The following PPP4R3C variants were observed in gnomAD, a reference collection of about 807,000 sequenced individuals.
The protein encoded by PPP4R3C is protein PPP4R3C.
For missense variants in PPP4R3C, 372 were observed against 237.3 expected (o/e 1.57, Z -3.73); for synonymous variants, 150 against 86.5 (o/e 1.73, Z -4.07).
In PPP4R3C at chrX:27,460,829, G is replaced by C; in HGVS notation, c.2468C>G (p.Ser823Cys). The change falls in exon 1 of 1, where the codon TCC (serine) becomes TGC (cysteine). Residue 823 changes from serine to cysteine, a missense_variant. Ser to Cys is a moderately radical substitution (Grantham distance 112). Transcript: ENST00000412172. ...EKEEDKEDETSPKKKPHLSS is the reference protein window; with the variant it reads ...EKEEDKEDETCPKKKPHLSS ...GCTAAGATGAGGTTTCTTCTTGGGG[G>C]ATGTTTCATCTTCTTTATCTTCCTC... is the stretch of plus-strand genomic sequence containing the variant. 2.0e-6 allele frequency: 1 copy of C among 510,589 alleles called. No homozygotes were observed. Among genetic ancestry groups the C allele is most frequent in the Non-Finnish European group, 3.5e-6 (1 of 285,568 alleles). 42.1% of individuals were successfully genotyped at this position (510,589 alleles called of 1,213,427 possible).
rs1194664087 is a variant in PPP4R3C, at chrX:27,462,222, A to T, written c.1075T>A (p.Leu359Met). 3.9e-6 allele frequency: 2 copies of T among 513,160 alleles called. No individual in the cohort carries two copies. The highest frequency in any genetic ancestry group is 7.0e-6 in the Non-Finnish European group (2 of 286,745). The allele number at this position is 513,160 out of a possible 1,213,427, so 42.3% of individuals were successfully genotyped here. A position where few individuals can be genotyped will look rare whatever the true frequency, so the allele number is the denominator to read the frequency against. ...PQSKDALFET[L>M]IQLGVLPALK... ...GCAGGAAGAACTCCCAACTGTATCAACGTTTCAAATAGTGCATCCTTGCTT... is the reference window on the plus strand; with the variant it reads ...GCAGGAAGAACTCCCAACTGTATCATCGTTTCAAATAGTGCATCCTTGCTT... The change falls in exon 1 of 1, where the codon TTG becomes ATG. Residue 359 changes from leucine (L) to methionine (M), a missense_variant. Leu to Met is a conservative substitution (Grantham distance 15). Coordinates refer to ENST00000412172, the MANE Select transcript of PPP4R3C (RefSeq NM_207319.4).
chrX:27,460,619 G>GTT lies in PPP4R3C; in HGVS notation c.*177_*178dup. 2 of 310,334 alleles carry GTT rather than the reference G, an allele frequency of 6.4e-6. No individual in the cohort carries two copies. Among genetic ancestry groups the GTT allele is most frequent in the East Asian group, 4.9e-5 (1 of 20,556 alleles). The allele number at this position is 310,334 out of a possible 1,213,427, so 25.6% of individuals were successfully genotyped here. On this transcript the variant is annotated 3_prime_UTR_variant, in exon 1 of 1. Coordinates refer to ENST00000412172, the MANE Select transcript of PPP4R3C (RefSeq NM_207319.4). The stretch of plus-strand genomic sequence containing the variant: ...GTTTATCACCCAGGTTCTGGTTACT[G>GTT]TTTTTTTTTAAGATTATGAGAAATT...
rs1602563885 is a variant in PPP4R3C at position 27,460,829 on chromosome X, G to A, written c.2468C>T (p.Ser823Phe). ...GCTAAGATGAGGTTTCTTCTTGGGG[G>A]ATGTTTCATCTTCTTTATCTTCCTC... is the stretch of plus-strand genomic sequence containing the variant. ...EKEEDKEDET[S>F]PKKKPHLSS is the part of the protein sequence containing the mutation. The change falls in exon 1 of 1, where the codon TCC becomes TTC. Residue 823 changes from serine to phenylalanine, a missense_variant. Ser to Phe is a radical substitution (Grantham distance 155). Coordinates refer to ENST00000412172, the MANE Select transcript of PPP4R3C (RefSeq NM_207319.4). 3.9e-6 allele frequency: 2 copies of A among 510,589 alleles called. No homozygotes were observed. The highest frequency in any genetic ancestry group is 7.0e-6 in the Non-Finnish European group (2 of 285,568). The allele number at this position is 510,589 out of a possible 1,213,427, so 42.1% of individuals were successfully genotyped here.
At position 27,461,519 on chromosome X, in the gene PPP4R3C, C is replaced by G. The variant is rs1373898654; in HGVS notation, c.1778G>C (p.Gly593Ala). The change falls in exon 1 of 1, where the codon GGA (glycine) becomes GCA (alanine). Residue 593 changes from glycine (G) to alanine (A), a missense_variant. Physicochemically the swap from Gly to Ala is moderately conservative, Grantham distance 60. Coordinates refer to ENST00000412172, the MANE Select transcript of PPP4R3C (RefSeq NM_207319.4). The stretch of plus-strand genomic sequence containing the variant: ...TGAATTCAACATATTGTACCGAGTT[C>G]CATTATCTAGAAGAGCATTTACAAC... ...EPVVNALLDN[G>A]TRYNMLNSAI... is the part of the protein sequence containing the mutation. 3.9e-6 allele frequency: 2 copies of G among 516,855 alleles called. No individual in the cohort carries two copies. The highest frequency in any genetic ancestry group is 4.6e-5 in the African/African-American group (2 of 43,293). 42.6% of individuals were successfully genotyped at this position (516,855 alleles called of 1,213,427 possible). A position where few individuals can be genotyped will look rare whatever the true frequency, so the allele number is the denominator to read the frequency against.
In PPP4R3C at chrX:27,460,852, C is replaced by G. The variant is rs1922944994; in HGVS notation, c.2445G>C (p.Glu815Asp). 2.0e-6 allele frequency: 1 copy of G among 510,584 alleles called. No individual in the cohort carries two copies. The highest frequency in any genetic ancestry group is 2.5e-5 in the South Asian group (1 of 39,887). The allele number at this position is 510,584 out of a possible 1,213,427, so 42.1% of individuals were successfully genotyped here. The change falls in exon 1 of 1, where the codon GAG becomes GAC. Residue 815 changes from glutamate to aspartate, a missense_variant. Transcript: ENST00000412172. Reference sequence around the variant, plus strand: ...GGGATGTTTCATCTTCTTTATCTTCCTCTTTTTCTTCTTCATCTTCCTCTT... The same window carrying G: ...GGGATGTTTCATCTTCTTTATCTTCGTCTTTTTCTTCTTCATCTTCCTCTT... ...EEKEEDEEEK[E>D]EDKEDETSPK...
In PPP4R3C at chrX:27,463,282, C is replaced by A. The variant is rs1039906989; in HGVS notation, c.15G>T (p.Arg5Ser). The A allele has an allele frequency of 2.0e-6, 1 of 508,988 alleles. No homozygotes were observed. Among genetic ancestry groups the A allele is most frequent in the Non-Finnish European group, 3.5e-6 (1 of 283,922 alleles). The allele number at this position is 508,988 out of a possible 1,213,427, so 41.9% of individuals were successfully genotyped here. Reference protein sequence around the residue: MAGLRYSVKVYVLNE... With the variant: MAGLSYSVKVYVLNE... ...TCAGGACATAGACTTTTACACTGTA[C>A]CTCAGGCCTGCCATAGCGTCCTCTG... Residue 5 changes from arginine (R) to serine (S), a missense_variant, in exon 1 of 1, where the codon AGG (arginine) becomes AGT (serine). Physicochemically the swap from Arg to Ser is moderately radical, Grantham distance 110. Transcript: ENST00000412172.
At position 27,461,581 on chromosome X, in the gene PPP4R3C, A is replaced by G; in HGVS notation, c.1716T>C (p.Tyr572=). The change falls in exon 1 of 1, where the codon TAT becomes TAC. Residue 572 remains tyrosine, a synonymous_variant. Coordinates refer to ENST00000412172, the MANE Select transcript of PPP4R3C (RefSeq NM_207319.4). ...RRMICLNDEA[Y]NNYIIKGNLF... is the part of the protein sequence containing the mutation. ...GATTTCCCTTGATGATGTAATTATT[A>G]TAAGCTTCATCATTAAGGCAAATCA... is the stretch of plus-strand genomic sequence containing the variant. The G allele has an allele frequency of 1.9e-6, 1 of 517,464 alleles. No homozygotes were observed. The highest frequency in any genetic ancestry group is 2.6e-5 in the Admixed American group (1 of 37,902). The allele number at this position is 517,464 out of a possible 1,213,427, so 42.6% of individuals were successfully genotyped here.
chrX:27,463,312 C>T lies in PPP4R3C; in HGVS notation c.-16G>A, dbSNP rs1409803591. The T allele has an allele frequency of 8.0e-6, 4 of 498,671 alleles. No individual in the cohort carries two copies. In the Admixed American group the frequency reaches 8.1e-5, roughly 10 times the overall value. 41.1% of individuals were successfully genotyped at this position (498,671 alleles called of 1,213,427 possible). On this transcript the variant is annotated 5_prime_UTR_variant, in exon 1 of 1. Coordinates refer to ENST00000412172, the MANE Select transcript of PPP4R3C (RefSeq NM_207319.4). ...GGCCTGCCATAGCGTCCTCTGGCCT[C>T]GCCCCGTCAGGTCTGTTCTCCACGG...
rs768847574 is a variant in PPP4R3C, at chrX:27,462,602, A to G, written c.695T>C (p.Leu232Ser). ...VVGCLEYDPA[L>S]DQPKRHRDFL... ...GTCCCTATGCCTTTTTGGCTGATCC[A>G]AAGCAGGGTCATACTCAAGGCATCC... The change falls in exon 1 of 1, where the codon TTG becomes TCG. Residue 232 changes from leucine to serine, a missense_variant. Coordinates refer to ENST00000412172, the MANE Select transcript of PPP4R3C (RefSeq NM_207319.4). 1 of 561,833 alleles carries G rather than the reference A, an allele frequency of 1.8e-6. No individual in the cohort carries two copies. The highest frequency in any genetic ancestry group is 2.2e-5 in the Admixed American group (1 of 45,196). The allele number at this position is 561,833 out of a possible 1,213,427, so 46.3% of individuals were successfully genotyped here.
Position 27,463,033 on chromosome X carries a change from G to A in PPP4R3C, c.264C>T (p.Ala88=), listed in dbSNP as rs754501760. The stretch of plus-strand genomic sequence containing the variant: ...TTTCTTTCCAAATATCCTGGCAGCC[G>A]GCTGGGTCCTGGAATTTTAGCACCA... The part of the protein sequence containing the change: ...QGLVLKFQDP[A]GCQDIWKEIC... The change falls in exon 1 of 1, where the codon GCC becomes GCT. Residue 88 remains alanine (A), a synonymous_variant. Transcript: ENST00000412172. The A allele has an allele frequency of 6.6e-4, 340 of 512,696 alleles. No individual in the cohort carries two copies. In the South Asian group the frequency reaches 7.6e-3, roughly 11 times the overall value. 42.3% of individuals were successfully genotyped at this position (512,696 alleles called of 1,213,427 possible).
rs187228874 is a variant in PPP4R3C at position 27,460,676 on chromosome X, G to A, written c.*122C>T. On this transcript the variant is annotated 3_prime_UTR_variant, in exon 1 of 1. Transcript: ENST00000412172. ...TTACAGAATTAAACCCTCTTAACTC[G>A]TTATATCTGTGATTTATCATTATAA... 56 of 389,867 alleles carry A rather than the reference G, an allele frequency of 1.4e-4. No homozygotes were observed. The highest frequency in any genetic ancestry group is 6.4e-4 in the East Asian group (16 of 24,916). 32.1% of individuals were successfully genotyped at this position (389,867 alleles called of 1,213,427 possible). A position where few individuals can be genotyped will look rare whatever the true frequency, so the allele number is the denominator to read the frequency against.
At position 27,460,968 on chromosome X, in the gene PPP4R3C, A is replaced by T. The variant is rs1487084548; in HGVS notation, c.2329T>A (p.Ser777Thr). 1 of 515,248 alleles carries T rather than the reference A, an allele frequency of 1.9e-6. No homozygotes were observed. The highest frequency in any genetic ancestry group is 3.5e-6 in the Non-Finnish European group (1 of 287,071). The allele number at this position is 515,248 out of a possible 1,213,427, so 42.5% of individuals were successfully genotyped here. A position where few individuals can be genotyped will look rare whatever the true frequency, so the allele number is the denominator to read the frequency against. ...TSSGDFKFSS[S>T]YSACAAIGTG... ...CCAATAGCAGCACAAGCAGAATAAG[A>T]TGAAGAGAATTTGAAGTCACCAGAA... The change falls in exon 1 of 1, where the codon TCT becomes ACT. Residue 777 changes from serine (S) to threonine (T), a missense_variant. Coordinates refer to ENST00000412172, the MANE Select transcript of PPP4R3C (RefSeq NM_207319.4).
At position 27,461,010 on chromosome X, in the gene PPP4R3C, A is replaced by T; in HGVS notation, c.2287T>A (p.Ser763Thr). The T allele has an allele frequency of 1.9e-6, 1 of 514,415 alleles. No individual in the cohort carries two copies. The highest frequency in any genetic ancestry group is 3.5e-6 in the Non-Finnish European group (1 of 286,900). 42.4% of individuals were successfully genotyped at this position (514,415 alleles called of 1,213,427 possible). A position where few individuals can be genotyped will look rare whatever the true frequency, so the allele number is the denominator to read the frequency against. Residue 763 changes from serine to threonine, a missense_variant, in exon 1 of 1, where the codon TCT (serine) becomes ACT (threonine). Physicochemically the swap from Ser to Thr is moderately conservative, Grantham distance 58. Transcript: ENST00000412172. ...RNQEHEGKVD[S>T]PKRTSSGDFK... ...TCACCAGAAGATGTTCTTTTGGGAG[A>T]GTCTACCTTGCCTTCATGTTCTTGG...
rs1026435212 is a variant in PPP4R3C, at chrX:27,460,448, G to C, written c.*350C>G. 3.9e-5 allele frequency: 5 copies of C among 128,424 alleles called. No homozygotes were observed. Among genetic ancestry groups the C allele is most frequent in the African/African-American group, 1.6e-4 (5 of 31,435 alleles). The allele number at this position is 128,424 out of a possible 1,213,427, so 10.6% of individuals were successfully genotyped here. A position where few individuals can be genotyped will look rare whatever the true frequency, so the allele number is the denominator to read the frequency against. ...TAATTTGTAGGCTTTTAACTGAACT[G>C]TTATTATTTCTAATATATACCTCTA... On this transcript the variant is annotated 3_prime_UTR_variant, in exon 1 of 1. Transcript: ENST00000412172.
rs761308935 is a variant in PPP4R3C at position 27,461,976 on chromosome X, G to C, written c.1321C>G (p.Leu441Val). Residue 441 changes from leucine (L) to valine (V), a missense_variant, in exon 1 of 1, where the codon CTG becomes GTG. Transcript: ENST00000412172. Reference sequence around the variant, plus strand: ...TTGCGTGGATCAAGTAGAGTATGCAGAACTACCATCAAATGAACAGCACCT... The same window carrying C: ...TTGCGTGGATCAAGTAGAGTATGCACAACTACCATCAAATGAACAGCACCT... ...LGGAVHLMVV[L>V]HTLLDPRNML... 1.1e-5 allele frequency: 6 copies of C among 524,275 alleles called. No homozygotes were observed. The highest frequency in any genetic ancestry group is 2.1e-5 in the Non-Finnish European group (6 of 291,770). The allele number at this position is 524,275 out of a possible 1,213,427, so 43.2% of individuals were successfully genotyped here. A position where few individuals can be genotyped will look rare whatever the true frequency, so the allele number is the denominator to read the frequency against.
At position 27,461,494 on chromosome X, in the gene PPP4R3C, T is replaced by C. The variant is rs182704937; in HGVS notation, c.1803A>G (p.Ser601=). The C allele has an allele frequency of 1.6e-3, 840 of 516,451 alleles. 1 individual carries two copies. Among genetic ancestry groups the C allele is most frequent in the Non-Finnish European group, 2.4e-3 (680 of 286,777 alleles). 42.6% of individuals were successfully genotyped at this position (516,451 alleles called of 1,213,427 possible). A position where few individuals can be genotyped will look rare whatever the true frequency, so the allele number is the denominator to read the frequency against. ...DNGTRYNMLN[S]AILELFEYIR... Reference sequence around the variant, plus strand: ...TGTATTCAAATAGCTCAAGAATAGCTGAATTCAACATATTGTACCGAGTTC... The same window carrying C: ...TGTATTCAAATAGCTCAAGAATAGCCGAATTCAACATATTGTACCGAGTTC... The change falls in exon 1 of 1, where the codon TCA becomes TCG. Residue 601 remains serine (S), a synonymous_variant. Transcript: ENST00000412172.
chrX:27,463,190 T>G lies in PPP4R3C; in HGVS notation c.107A>C (p.Gln36Pro). The G allele has an allele frequency of 1.9e-6, 1 of 514,997 alleles. No homozygotes were observed. The highest frequency in any genetic ancestry group is 3.5e-6 in the Non-Finnish European group (1 of 287,006). 42.4% of individuals were successfully genotyped at this position (514,997 alleles called of 1,213,427 possible). Reference sequence around the variant, plus strand: ...TGACCGAACAAGCAGCGACATGCCCTGGAACTGCTCGTCATAGGTGGATGA... The same window carrying G: ...TGACCGAACAAGCAGCGACATGCCCGGGAACTGCTCGTCATAGGTGGATGA... ...QVSSTYDEQF[Q>P]GMSLLVRSDS... is the part of the protein sequence containing the mutation. The change falls in exon 1 of 1, where the codon CAG becomes CCG. Residue 36 changes from glutamine to proline, a missense_variant. By Grantham distance (76) the Gln-to-Pro change is moderately conservative (BLOSUM62 -1). Coordinates refer to ENST00000412172, the MANE Select transcript of PPP4R3C (RefSeq NM_207319.4).
In PPP4R3C at chrX:27,460,425, AT is replaced by A; in HGVS notation, c.*372del. On this transcript the variant is annotated 3_prime_UTR_variant, in exon 1 of 1. Transcript: ENST00000412172. ...CATGGCTAGTACCATTATACAAGTA[AT>A]TTGTAGGCTTTTAACTGAACTGTTA... 8.4e-6 allele frequency: 1 copy of A among 119,656 alleles called. No homozygotes were observed. The highest frequency in any genetic ancestry group is 1.7e-5 in the Non-Finnish European group (1 of 58,744). 9.9% of individuals were successfully genotyped at this position (119,656 alleles called of 1,213,427 possible). A position where few individuals can be genotyped will look rare whatever the true frequency, so the allele number is the denominator to read the frequency against.
Position 27,461,664 on chromosome X carries a change from A to G in PPP4R3C, c.1633T>C (p.Leu545=). ...NKDLLRKALI[L]MNSKHTHLIL... is the part of the protein sequence containing the mutation. ...AGGTGAGTATGCTTTGAATTCATCAATATCAAGGCCTTTCTTAGCAAGTCT... is the reference window on the plus strand; with the variant it reads ...AGGTGAGTATGCTTTGAATTCATCAGTATCAAGGCCTTTCTTAGCAAGTCT... The change falls in exon 1 of 1, where the codon TTG becomes CTG. Residue 545 remains leucine, a synonymous_variant. Transcript: ENST00000412172. 1 of 515,774 alleles carries G rather than the reference A, an allele frequency of 1.9e-6. No homozygotes were observed. The highest frequency in any genetic ancestry group is 3.5e-6 in the Non-Finnish European group (1 of 287,073). 42.5% of individuals were successfully genotyped at this position (515,774 alleles called of 1,213,427 possible). A position where few individuals can be genotyped will look rare whatever the true frequency, so the allele number is the denominator to read the frequency against.
Sources: allele counts gnomAD v4.1 joint callset, GRCh38; gene constraint gnomAD v4.1.1; transcripts MANE v1.5; gene names NCBI Gene and HGNC (gene_info 2026-07-23, HGNC 2026-07-21).